The following ZFHX3 variants were observed in gnomAD, a reference collection of about 807,000 sequenced individuals.
ZFHX3 encodes the protein zinc finger homeobox protein 3.
A neutral mutation model predicts 279.1 loss-of-function variants in ZFHX3; 42 were observed. The observed-to-expected ratio is 0.15, with a 90% confidence interval of 0.12 to 0.19. The LOEUF (loss-of-function observed/expected upper bound fraction) is 0.19, where lower values mean the gene tolerates loss of function less well. ZFHX3 is among the 10% of genes least tolerant of loss of function. The pLI is 1.00. For synonymous variants in ZFHX3, 2,293 were observed against 1,957.8 expected (o/e 1.17, Z -4.52); for missense variants, 4,981 against 4,754.0 (o/e 1.05, Z -1.40).
At chr16:72,870,409 A>G (rs1250129986) in intron 4 of ZFHX3, among the ~76,000 whole-genome samples, 1 of 149,684 alleles carries the variant, frequency 6.7e-6, no homozygotes, top group African/African-American at 2.5e-5. Context: ...TTAAAAAAAA[A>G]GAAAAAAGAA....
chr16:73,710,027 C>CA (rs35366612), intron 1 of ZFHX3, among the ~76,000 whole-genome samples: 11 of 151,838 alleles, frequency 7.2e-5, no homozygotes, highest in African/African-American at 2.7e-4. Flanking sequence ...ACTAAAAATA[C>CA]AAAAAAATTG....
Position 72,795,974 on chromosome 16 carries a change from C to T in ZFHX3, c.6708G>A (p.Gln2236=). ...AAGACCTCTTGCTTCCCCAGTACTCCTGCTTTGGAGGTTCCGGCGAAGGGG... is the reference window on the plus strand; with the variant it reads ...AAGACCTCTTGCTTCCCCAGTACTCTTGCTTTGGAGGTTCCGGCGAAGGGG... ...SRPPSPEPPK[Q]EYWGSKRSSR... is the part of the protein sequence containing the mutation. Residue 2236 remains glutamine (Q), a synonymous_variant, in exon 9 of 10, where the codon CAG becomes CAA. Coordinates refer to ENST00000268489, the MANE Select transcript of ZFHX3 (RefSeq NM_006885.4). 6.2e-7 allele frequency: 1 copy of T among 1,614,210 alleles called. No homozygotes were observed. The highest frequency in any genetic ancestry group is 1.3e-5 in the African/African-American group (1 of 75,056).
chr16:73,704,326 C>A (rs542770903), intron 1 of ZFHX3, among the ~76,000 whole-genome samples: 1 of 152,258 alleles, frequency 6.6e-6, no homozygotes, highest in South Asian at 2.1e-4. Context: ...ATTTGTTCAC[C>A]ATGCAACTGT....
At chr16:73,714,339 C>G in intron 1 of ZFHX3, among the ~76,000 whole-genome samples, 1 of 152,146 alleles carries the variant, frequency 6.6e-6, no homozygotes, top group Non-Finnish European at 1.5e-5. Context: ...GGGCAGATGT[C>G]AGACAACATT....
chr16:73,480,249 T>G (rs1465472640), intron 2 of ZFHX3, among the ~76,000 whole-genome samples: 2 of 152,214 alleles, frequency 1.3e-5, no homozygotes, highest in Non-Finnish European at 2.9e-5. Context: ...TTCAGAACTT[T>G]CATTCCACTT....
chr16:73,005,642 T>C (rs1963674239), intron 1 of ZFHX3: 2 of 152,170 alleles, frequency 1.3e-5, no homozygotes, highest in South Asian at 2.1e-4. Flanking sequence ...AAATACAAAT[T>C]AGCCGGGCGT....
intron 1 of ZFHX3, among the ~76,000 whole-genome samples, chr16:73,872,021 A>G (rs1261027451): frequency 6.6e-6 from 1 of 152,198 alleles, no homozygotes; most frequent in Non-Finnish European, 1.5e-5. Context: ...TCTAACTGTA[A>G]GATTGTACAC....
intron 1 of ZFHX3, among the ~76,000 whole-genome samples, chr16:73,055,787 C>T (rs1187652858): frequency 6.6e-6 from 1 of 150,454 alleles, no homozygotes; most frequent in Non-Finnish European, 1.5e-5. Flanking sequence ...TTTCTTGGCC[C>T]ACACCACTGA....
chr16:73,370,283 G>A (rs191019060), intron 3 of ZFHX3, among the ~76,000 whole-genome samples: 1 of 152,304 alleles, frequency 6.6e-6, no homozygotes, highest in South Asian at 2.1e-4. Flanking sequence ...AGTCAGAACG[G>A]CTACATCTGA....
intron 7 of ZFHX3, among the ~76,000 whole-genome samples, chr16:73,099,996 C>T (rs183998055): frequency 3.3e-5 from 5 of 152,166 alleles, no homozygotes; most frequent in Admixed American, 2.6e-4. Flanking sequence ...TTCACCATCT[C>T]ACTATGGGTA....
At chr16:72,947,646 G>A (rs1319107543) in intron 3 of ZFHX3, among the ~76,000 whole-genome samples, 4 of 152,126 alleles carry the variant, frequency 2.6e-5, no homozygotes, top group Middle Eastern at 3.2e-3. Context: ...AGGTGCCGCG[G>A]AGAGCAGCTT....
intron 4 of ZFHX3, among the ~76,000 whole-genome samples, chr16:73,290,531 G>A (rs959029201): frequency 6.6e-6 from 1 of 152,210 alleles, no homozygotes; most frequent in African/African-American, 2.4e-5. Context: ...CTAACTTGTA[G>A]GTTTCAGCCT....
intron 1 of ZFHX3, among the ~76,000 whole-genome samples, chr16:73,765,347 T>G (rs1260406982): frequency 6.6e-6 from 1 of 152,230 alleles, no homozygotes; most frequent in South Asian, 2.1e-4. Flanking sequence ...TCTTTACCTT[T>G]TTAAAAATGT....
At chr16:73,728,122 T>A (rs1015383784) in intron 1 of ZFHX3, among the ~76,000 whole-genome samples, 1 of 145,878 alleles carries the variant, frequency 6.9e-6, no homozygotes, top group Admixed American at 7.4e-5. Context: ...TTAAGTTAAA[T>A]GAGGTCCTTA....
At chr16:73,086,081 C>A (rs1278003603) in intron 8 of ZFHX3, among the ~76,000 whole-genome samples, 1 of 151,122 alleles carries the variant, frequency 6.6e-6, no homozygotes, top group Non-Finnish European at 1.5e-5. Flanking sequence ...TGACAAATGG[C>A]CAACAAGTAT....
At chr16:72,839,653 G>C (rs1266713975) in intron 4 of ZFHX3, among the ~76,000 whole-genome samples, 1 of 152,060 alleles carries the variant, frequency 6.6e-6, no homozygotes, top group Non-Finnish European at 1.5e-5. Flanking sequence ...AAAAGCTGGA[G>C]TTGATAGAAG....
At chr16:73,158,367 ATAAAAC>A (rs1188722756) in intron 5 of ZFHX3, among the ~76,000 whole-genome samples, 1 of 152,250 alleles carries the variant, frequency 6.6e-6, no homozygotes, top group African/African-American at 2.4e-5. Context: ...GTGCAAAGTA[ATAAAAC>A]TAAATATGAC....
intron 4 of ZFHX3, among the ~76,000 whole-genome samples, chr16:72,842,321 A>AATCTTCCCGCCTCAGCCT (rs1275545656): frequency 6.6e-6 from 1 of 151,996 alleles, no homozygotes; most frequent in African/African-American, 2.4e-5. Context: ...CGGCTCAGGC[A>AATCTTCCCGCCTCAGCCT]ATCTTCCCGC....
intron 3 of ZFHX3, among the ~76,000 whole-genome samples, chr16:73,433,877 C>T (rs1439744322): frequency 6.6e-6 from 1 of 152,150 alleles, no homozygotes; most frequent in Non-Finnish European, 1.5e-5. Flanking sequence ...GAGTAAAAGC[C>T]AGAGAGGACG....
Sources: allele counts gnomAD v4.1 joint callset (sites outside exome capture counted in the v4.1 genomes callset), GRCh38; gene constraint gnomAD v4.1.1; transcripts MANE v1.5; gene names NCBI Gene and HGNC (gene_info 2026-07-23, HGNC 2026-07-21).